Variants in ABR observed in about 807,000 individuals in gnomAD.
ABR encodes ABR activator of RhoGEF and GTPase.
In ABR, 35 loss-of-function variants were observed where a neutral mutation model predicts 107.2. The ratio of observed to expected loss-of-function variants is 0.33; its 90% CI spans 0.25 to 0.43. The LOEUF (loss-of-function observed/expected upper bound fraction) is 0.43. ABR is among the 20% of genes least tolerant of loss of function. The probability of loss-of-function intolerance (pLI) is 1.00; values close to 1 mark genes in which losing one functional copy is unlikely to be tolerated. For synonymous variants in ABR, 498 were observed against 462.0 expected, an observed-to-expected ratio of 1.08 and a Z score of -1.00; for missense variants, 815 against 1,115.2, an observed-to-expected ratio of 0.73 and a Z score of 3.83.
chr17:1,144,989 G>T (rs912966319), intron 1 of ABR, among the ~76,000 whole-genome samples: 1 of 152,026 alleles, frequency 6.6e-6, no homozygotes, highest in African/African-American at 2.4e-5. Context: ...CGGCACTCCA[G>T]CCTGGGTGAC....
At chr17:1,158,749 C>G (rs2041142457) in intron 1 of ABR, among the ~76,000 whole-genome samples, 1 of 151,188 alleles carries the variant, frequency 6.6e-6, no homozygotes, top group African/African-American at 2.4e-5. Flanking sequence ...GGTGACAGAG[C>G]AAGACTCTGT....
chr17:1,056,636 T>C (rs1327939704), intron 13 of ABR, among the ~76,000 whole-genome samples: 1 of 152,116 alleles, frequency 6.6e-6, no homozygotes, highest in Non-Finnish European at 1.5e-5. Context: ...CAAACTCCCT[T>C]GCTTGGGATT....
chr17:1,141,735 A>G (rs958160167), intron 1 of ABR, among the ~76,000 whole-genome samples: 2 of 151,958 alleles, frequency 1.3e-5, no homozygotes, highest in African/African-American at 4.8e-5. Context: ...CATTCAGCAC[A>G]GGCTGGTGGA....
At chr17:1,139,196 T>C (rs1352003289) in intron 1 of ABR, among the ~76,000 whole-genome samples, 1 of 152,180 alleles carries the variant, frequency 6.6e-6, no homozygotes, top group African/African-American at 2.4e-5. Context: ...AGCGTTATCT[T>C]ATAACTCCTT....
At chr17:1,223,786 C>T (rs886301259) in intron 1 of ABR, among the ~76,000 whole-genome samples, 4 of 152,102 alleles carry the variant, frequency 2.6e-5, no homozygotes, top group East Asian at 1.9e-4. Context: ...AGCAAGCCTG[C>T]GGGGGAAACT....
At chr17:1,013,068 C>A (rs376515484) in intron 17 of ABR, 37 bp downstream of exon 17, 4 of 1,610,682 alleles carry the variant, frequency 2.5e-6, no homozygotes, top group Non-Finnish European at 3.4e-6. Context: ...TTCCACCTCC[C>A]GGCTCACGCC....
chr17:1,114,156 A>G (rs2038869931), intron 2 of ABR, among the ~76,000 whole-genome samples: 1 of 138,304 alleles, frequency 7.2e-6, no homozygotes, highest in African/African-American at 2.8e-5. Flanking sequence ...GGCCACAGAG[A>G]AAGACCCTGT....
At chr17:1,172,502 G>A (rs753058273) in intron 1 of ABR, among the ~76,000 whole-genome samples, 1 of 152,182 alleles carries the variant, frequency 6.6e-6, no homozygotes, top group Non-Finnish European at 1.5e-5. Context: ...TGTCATCCCA[G>A]CACTTTGGGA....
chr17:1,006,139 G>C lies in ABR; in HGVS notation c.2521C>G (p.Pro841Ala), dbSNP rs1425190699. 3.2e-6 allele frequency: 5 copies of C among 1,587,054 alleles called. No homozygotes were observed. Among genetic ancestry groups the C allele is most frequent in the Non-Finnish European group, 4.3e-6 (5 of 1,166,396 alleles). ...TTGAGTTCTGCGAAGGAAATGGGGG[G>C]GTGCTGCAGGTAGTAGAGGAGGACC... ...VQVLLYYLQHPPISFAELKRN... is the reference protein window; with the variant it reads ...VQVLLYYLQHAPISFAELKRN... The change falls in exon 23 of 23, where the codon CCC becomes GCC. Residue 841 changes from proline (P) to alanine (A), a missense_variant. By Grantham distance (27) the Pro-to-Ala change is conservative (BLOSUM62 -1). Transcript: ENST00000302538.
At chr17:1,018,607 G>C (rs76292169) in intron 16 of ABR, among the ~76,000 whole-genome samples, 11,190 of 152,160 alleles carry the variant, frequency 0.074, 512 homozygotes, top group Non-Finnish European at 0.1. Flanking sequence ...CAACCTGGTC[G>C]GGGGGAGTGT....
At position 1,069,809 on chromosome 17, in the gene ABR, C is replaced by T. The variant is rs1376301107; in HGVS notation, c.1016+160G>A. Among the ~76,000 whole-genome samples the T allele has an allele frequency of 2.6e-5, 3 of 115,190 alleles. No homozygotes were observed. The East Asian group carries it at 8.5e-4, about 33-fold the overall frequency. 75.6% of individuals were successfully genotyped at this position (115,190 alleles called of 152,430 possible). A position where few individuals can be genotyped will look rare whatever the true frequency, so the allele number is the denominator to read the frequency against. On this transcript the variant is annotated intron_variant, in intron 9 of 22. Coordinates refer to ENST00000302538, the MANE Select transcript of ABR (RefSeq NM_021962.5). ...CCCCTCCCCCGCCCCTGGACTCACA[C>T]ACTCACCTCGCAGAGGTCCGGACCC...
chr17:1,014,464 A>G (rs1048049050), intron 16 of ABR, among the ~76,000 whole-genome samples: 1 of 151,654 alleles, frequency 6.6e-6, no homozygotes, highest in Non-Finnish European at 1.5e-5. Context: ...AAACATCTAA[A>G]CAATGTTGAA....
At chr17:1,195,437 T>C (rs920101048) in intron 1 of ABR, among the ~76,000 whole-genome samples, 2 of 151,426 alleles carry the variant, frequency 1.3e-5, no homozygotes, top group Non-Finnish European at 2.9e-5. Flanking sequence ...AACTAGTCTC[T>C]GGTGTATCTC....
intron 16 of ABR, among the ~76,000 whole-genome samples, chr17:1,040,565 G>A (rs942895705): frequency 6.6e-6 from 1 of 152,166 alleles, no homozygotes. Context: ...ATGCTGCCTC[G>A]GCCAGCCAAA....
rs757222873 is a variant in ABR, at chr17:1,011,147, T to C, written c.2102-284A>G. ...AGAGTTCAGAGCCACATTCATACCATGTGGCCTGCAGCTTCCTTCCGACTG... is the reference window on the plus strand; with the variant it reads ...AGAGTTCAGAGCCACATTCATACCACGTGGCCTGCAGCTTCCTTCCGACTG... On this transcript the variant is annotated intron_variant, in intron 19 of 22. Coordinates refer to ENST00000302538, the MANE Select transcript of ABR (RefSeq NM_021962.5). This position sits in a 1 kb window ranked among gnomAD's most constrained non-coding sequence, Gnocchi z 4.8. The C allele has an allele frequency of 5.2e-5, 23 of 445,088 alleles. No homozygotes were observed. In the Admixed American group the frequency reaches 8.1e-4, roughly 16 times the overall value. The allele number at this position is 445,088 out of a possible 1,614,324, so 27.6% of individuals were successfully genotyped here. A position where few individuals can be genotyped will look rare whatever the true frequency, so the allele number is the denominator to read the frequency against.
At chr17:1,018,089 C>T (rs1271741413) in intron 16 of ABR, among the ~76,000 whole-genome samples, 1 of 128,992 alleles carries the variant, frequency 7.8e-6, no homozygotes, top group Non-Finnish European at 1.7e-5. Context: ...GTCGCCCAGG[C>T]TGGAGTGCTG....
intron 4 of ABR, among the ~76,000 whole-genome samples, chr17:1,088,710 C>T (rs889572389): frequency 8.6e-5 from 13 of 150,528 alleles, no homozygotes; most frequent in African/African-American, 2.9e-4. Flanking sequence ...CTCAGCCTCC[C>T]GAGTAGTAGC....
At chr17:1,196,534 C>T (rs987229208) in intron 1 of ABR, among the ~76,000 whole-genome samples, 5 of 152,018 alleles carry the variant, frequency 3.3e-5, no homozygotes, top group African/African-American at 1.2e-4. Flanking sequence ...CATCCTGCCT[C>T]ACCCACCCCC....
rs983775662 is a variant in ABR, at chr17:1,078,567, G to A, written c.700+763C>T. Among the ~76,000 whole-genome samples the A allele has an allele frequency of 5.3e-5, 8 of 152,022 alleles. No individual in the cohort carries two copies. The highest frequency in any genetic ancestry group is 1.4e-4 in the African/African-American group (6 of 41,400). On this transcript the variant is annotated intron_variant, in intron 6 of 22. Transcript: ENST00000302538. This position sits in a 1 kb window ranked among gnomAD's most constrained non-coding sequence, Gnocchi z 7.5. ...CACACTAGCCCACCAATTCCCCACC[G>A]ATCCTCGGGGCCACCTGGACCCCTC...
Sources: gnomAD v4.1 joint callset for allele counts (sites outside exome capture counted in the v4.1 genomes callset) on GRCh38, gnomAD v4.1.1 for gene constraint, Gnocchi (gnomAD v3.1) non-coding constraint, MANE v1.5 for transcripts, NCBI Gene and HGNC (gene_info 2026-07-23, HGNC 2026-07-21) for gene names.